LRP1: variants seen among roughly 807,000 people sequenced by gnomAD.
The protein encoded by LRP1 is LDL receptor related protein 1.
Under a neutral mutation model 541.5 loss-of-function variants are expected in LRP1, and 51 were observed. That is an observed-to-expected ratio of 0.09 (90% CI 0.08 to 0.12). The LOEUF (loss-of-function observed/expected upper bound fraction) is 0.12. Ranked by LOEUF, LRP1 falls within the 10% of genes least tolerant of loss-of-function variation. The pLI is 1.00. For synonymous variants in LRP1, 2,219 were observed against 2,470.8 expected (o/e 0.90, Z 3.02); for missense variants, 3,878 against 6,376.2 (o/e 0.61, Z 13.34).
intron 79 of LRP1, 114 bp downstream of exon 79, chr12:57,209,313 C>A: frequency 2.3e-6 from 2 of 877,468 alleles, no homozygotes; most frequent in Non-Finnish European, 3.6e-6. Context: ...TGACCCCCAG[C>A]AATGCTGCAG....
chr12:57,195,830 G>A (rs774921999), intron 53 of LRP1, 33 bp from the exon 54 acceptor site: 1 of 1,614,018 alleles, frequency 6.2e-7, no homozygotes, highest in Non-Finnish European at 8.5e-7. Flanking sequence ...GCCGGGCCAG[G>A]GCATCAGCCT....
rs1363155141 is a variant in LRP1, at chr12:57,193,641, G to A, written c.7760G>A (p.Gly2587Glu). ...GTGTCCAACATGCTGTGGTGCAACG[G>A]GGCCGACGACTGTGGGGATGGCTCT... ...RCVSNMLWCN[G>E]ADDCGDGSDE... Residue 2587 changes from glycine (G) to glutamate (E), a missense_variant, in exon 47 of 89, where the codon GGG becomes GAG. Gly to Glu is a moderately conservative substitution (Grantham distance 98). This residue lies in a region of LRP1 where 1,100 missense variants were observed against 1,827.4 expected (regional missense o/e 0.60). Coordinates refer to ENST00000243077, the MANE Select transcript of LRP1 (RefSeq NM_002332.3). 6.8e-6 allele frequency: 11 copies of A among 1,614,090 alleles called. No homozygotes were observed. The highest frequency in any genetic ancestry group is 7.6e-6 in the Non-Finnish European group (9 of 1,180,050).
intron 6 of LRP1, chr12:57,146,616 T>A (rs1424925365): frequency 1.3e-5 from 2 of 152,228 alleles, no homozygotes; most frequent in Non-Finnish European, 1.5e-5. Context: ...GGGGTTCCTC[T>A]GAGAGCCCTC....
chr12:57,173,417 C>T lies in LRP1; in HGVS notation c.3346+67C>T. 6.6e-7 allele frequency: 1 copy of T among 1,526,186 alleles called. No individual in the cohort carries two copies. 94.5% of individuals were successfully genotyped at this position (1,526,186 alleles called of 1,614,324 possible). On this transcript the variant is annotated intron_variant, in intron 21 of 88. Coordinates refer to ENST00000243077, the MANE Select transcript of LRP1 (RefSeq NM_002332.3). This position sits in a 1 kb window ranked among gnomAD's most constrained non-coding sequence, Gnocchi z 4.7. ...GGGCAGGAGGAGACCGTGTTGAGAG[C>T]AGAGTAGCGGCAAAGGGGATGGCAC...
chr12:57,169,286 C>T lies in LRP1; in HGVS notation c.3142C>T (p.His1048Tyr). ...NDCGDYSDET[H>Y]ANCTNQATRP... ...CTGCGGAGACTACAGTGATGAGACA[C>T]ACGCCAACTGCACCAACCAGGGTGG... is the stretch of plus-strand genomic sequence containing the variant. Residue 1048 changes from histidine to tyrosine, a missense_variant, in exon 20 of 89, where the codon CAC becomes TAC. His to Tyr is a moderately conservative substitution (Grantham distance 83). Around this residue, in one of 13 missense-constraint regions of LRP1, gnomAD observed 320 missense variants for 547.9 expected, o/e 0.58. Coordinates refer to ENST00000243077, the MANE Select transcript of LRP1 (RefSeq NM_002332.3). 1 of 1,609,506 alleles carries T rather than the reference C, an allele frequency of 6.2e-7. No individual in the cohort carries two copies. The highest frequency in any genetic ancestry group is 1.1e-5 in the South Asian group (1 of 90,978).
At chr12:57,187,205 G>T in intron 41 of LRP1, 62 bp from the exon 42 acceptor site, 1 of 1,535,158 alleles carries the variant, frequency 6.5e-7, no homozygotes, top group Non-Finnish European at 8.8e-7. Flanking sequence ...TGTCCCCCAC[G>T]GCTCCTGTGC....
In LRP1 at chr12:57,204,597, T is replaced by C; in HGVS notation, c.11072-30T>C. The C allele has an allele frequency of 6.2e-7, 1 of 1,612,742 alleles. No homozygotes were observed. ...AACCACCCCCACTCCCAAGACTAATTCTGGCTCTGTGTCCCCCTGGCTGCT... is the reference window on the plus strand; with the variant it reads ...AACCACCCCCACTCCCAAGACTAATCCTGGCTCTGTGTCCCCCTGGCTGCT... On this transcript the variant is annotated intron_variant, in intron 71 of 88. Transcript: ENST00000243077. This position sits in a 1 kb window ranked among gnomAD's most constrained non-coding sequence, Gnocchi z 5.3.
In LRP1 at chr12:57,158,030, G is replaced by A. The variant is rs1334787890; in HGVS notation, c.1562-372G>A. On this transcript the variant is annotated intron_variant, in intron 10 of 88. Transcript: ENST00000243077. The surrounding 1 kb of genome is among the most constrained non-coding windows in gnomAD (Gnocchi z 5.3). ...AGACTTTCAGTGTAGTGGGCAAGAA[G>A]TGATGTGGTTTACACTAGGATGGCA... Among the ~76,000 whole-genome samples the A allele has an allele frequency of 6.6e-6, 1 of 152,216 alleles. No homozygotes were observed. The highest frequency in any genetic ancestry group is 1.9e-4 in the East Asian group (1 of 5,204).
At position 57,197,092 on chromosome 12, in the gene LRP1, C is replaced by T. The variant is rs1470696859; in HGVS notation, c.9003C>T (p.Gly3001=). 6.2e-7 allele frequency: 1 copy of T among 1,613,988 alleles called. No individual in the cohort carries two copies. The highest frequency in any genetic ancestry group is 2.2e-5 in the East Asian group (1 of 44,896). The change falls in exon 56 of 89, where the codon GGC becomes GGT. Residue 3001 remains glycine (G), a synonymous_variant. Coordinates refer to ENST00000243077, the MANE Select transcript of LRP1 (RefSeq NM_002332.3). The surrounding 1 kb of genome is among the most constrained non-coding windows in gnomAD (Gnocchi z 4.5). ...GCCAGCGCTGCATCAACACTCATGG[C>T]AGCTATAAGTGTCTGTGTGTGGAGG... ...PCSQRCINTH[G]SYKCLCVEGY...
Position 57,193,297 on chromosome 12 carries a change from C to G in LRP1, c.7677C>G (p.Ser2559=), listed in dbSNP as rs570485383. The G allele has an allele frequency of 6.2e-7, 1 of 1,611,972 alleles. No individual in the cohort carries two copies. Among genetic ancestry groups the G allele is most frequent in the Admixed American group, 1.7e-5 (1 of 60,026 alleles). ...HCKDKSDEKP[S]YCNSRRCKKT... ...AGGACAAGTCCGATGAGAAGCCATCCTACTGCAGTAAGGAGCCCCCTGCAG... is the reference window on the plus strand; with the variant it reads ...AGGACAAGTCCGATGAGAAGCCATCGTACTGCAGTAAGGAGCCCCCTGCAG... The change falls in exon 46 of 89, where the codon TCC becomes TCG. Residue 2559 remains serine, a synonymous_variant. Coordinates refer to ENST00000243077, the MANE Select transcript of LRP1 (RefSeq NM_002332.3).
Position 57,173,658 on chromosome 12 carries a change from C to T in LRP1, c.3347-122C>T. The T allele has an allele frequency of 3.9e-6, 4 of 1,027,168 alleles. No homozygotes were observed. In the South Asian group the frequency reaches 5.8e-5, roughly 15 times the overall value. The allele number at this position is 1,027,168 out of a possible 1,614,324, so 63.6% of individuals were successfully genotyped here. A position where few individuals can be genotyped will look rare whatever the true frequency, so the allele number is the denominator to read the frequency against. The stretch of plus-strand genomic sequence containing the variant: ...ATTTGACCCAAAAAGCCTCGGGGTT[C>T]CTCGTGGACCCCACAGCGTTGCAAT... On this transcript the variant is annotated intron_variant, in intron 21 of 88. Transcript: ENST00000243077. This position sits in a 1 kb window ranked among gnomAD's most constrained non-coding sequence, Gnocchi z 4.7.
In LRP1 at chr12:57,138,535, C is replaced by A; in HGVS notation, c.144C>A (p.Asp48Glu). 6.2e-7 allele frequency: 1 copy of A among 1,614,054 alleles called. No individual in the cohort carries two copies. Among genetic ancestry groups the A allele is most frequent in the Non-Finnish European group, 8.5e-7 (1 of 1,179,980 alleles). Residue 48 changes from aspartate (D) to glutamate (E), a missense_variant, in exon 2 of 89, where the codon GAC becomes GAA. This residue lies in a region of LRP1 where 293 missense variants were observed against 403.7 expected (regional missense o/e 0.73). Coordinates refer to ENST00000243077, the MANE Select transcript of LRP1 (RefSeq NM_002332.3). ...GTATCTCAAAGGGCTGGCGGTGCGA[C>A]GGTGAGAGGGACTGCCCAGACGGAT... ...ITCISKGWRC[D>E]GERDCPDGSD...
In LRP1 at chr12:57,196,018, T is replaced by G; in HGVS notation, c.8701+15T>G. Reference sequence around the variant, plus strand: ...CACCAGCCAAGGTGGGCCCCAGACCTGGCTCCCCTCTGCCCCCTCCCCAGA... The same window carrying G: ...CACCAGCCAAGGTGGGCCCCAGACCGGGCTCCCCTCTGCCCCCTCCCCAGA... On this transcript the variant is annotated intron_variant, in intron 54 of 88. Transcript: ENST00000243077. 6.2e-7 allele frequency: 1 copy of G among 1,612,316 alleles called. No individual in the cohort carries two copies. Among genetic ancestry groups the G allele is most frequent in the Non-Finnish European group, 8.5e-7 (1 of 1,179,868 alleles).
chr12:57,185,766 G>T lies in LRP1; in HGVS notation c.6699G>T (p.Met2233Ile). The T allele has an allele frequency of 1.2e-6, 2 of 1,614,236 alleles. No homozygotes were observed. Among genetic ancestry groups the T allele is most frequent in the Non-Finnish European group, 1.7e-6 (2 of 1,180,044 alleles). Reference sequence around the variant, plus strand: ...AGCCCTTCGAGGACCCTGAGCACATGAAGAACGTCATCGCCCTGGCCTTTG... The same window carrying T: ...AGCCCTTCGAGGACCCTGAGCACATTAAGAACGTCATCGCCCTGGCCTTTG... ...PVQPFEDPEH[M>I]KNVIALAFDY... is the part of the protein sequence containing the mutation. Residue 2233 changes from methionine (M) to isoleucine (I), a missense_variant, in exon 41 of 89, where the codon ATG (methionine) becomes ATT (isoleucine). By Grantham distance (10) the Met-to-Ile change is conservative. Transcript: ENST00000243077. This position sits in a 1 kb window ranked among gnomAD's most constrained non-coding sequence, Gnocchi z 4.9.
In LRP1 at chr12:57,143,730, C is replaced by T. The variant is rs1011406233; in HGVS notation, c.380C>T (p.Thr127Ile). The change falls in exon 4 of 89, where the codon ACA becomes ATA. Residue 127 changes from threonine (T) to isoleucine (I), a missense_variant. By Grantham distance (89) the Thr-to-Ile change is moderately conservative (BLOSUM62 -1). Coordinates refer to ENST00000243077, the MANE Select transcript of LRP1 (RefSeq NM_002332.3). ...RLGCQHHCVP[T>I]LDGPTCYCNS... The stretch of plus-strand genomic sequence containing the variant: ...GGCTGCCAGCACCATTGTGTCCCCA[C>T]ACTCGATGGGCCCACCTGCTACTGC... 1 of 1,614,082 alleles carries T rather than the reference C, an allele frequency of 6.2e-7. No individual in the cohort carries two copies. The highest frequency in any genetic ancestry group is 1.3e-5 in the African/African-American group (1 of 74,944).
At chr12:57,195,444 C>T in intron 52 of LRP1, 45 bp downstream of exon 52, 2 of 1,594,180 alleles carry the variant, frequency 1.3e-6, no homozygotes, top group Admixed American at 1.7e-5. Context: ...CAAATGGCCA[C>T]AGTCTCACTT....
In LRP1 at chr12:57,179,479, A is replaced by T; in HGVS notation, c.4889A>T (p.Tyr1630Phe). The T allele has an allele frequency of 6.2e-7, 1 of 1,614,218 alleles. No individual in the cohort carries two copies. ...TACGATGCCCGCGAGCAGCGTGTGT[A>T]CTGGTCTGACGTGCGGACACAGGCC... The part of the protein sequence containing the change: ...LDYDAREQRV[Y>F]WSDVRTQAIK... Residue 1630 changes from tyrosine (Y) to phenylalanine (F), a missense_variant, in exon 29 of 89, where the codon TAC becomes TTC. Tyr to Phe is a conservative substitution (Grantham distance 22, BLOSUM62 3). Coordinates refer to ENST00000243077, the MANE Select transcript of LRP1 (RefSeq NM_002332.3). The surrounding 1 kb of genome is among the most constrained non-coding windows in gnomAD (Gnocchi z 6.8).
chr12:57,208,447 C>G, intron 77 of LRP1: 1 of 601,968 alleles, frequency 1.7e-6, no homozygotes, highest in Admixed American at 3.0e-5. Context: ...TCTGCTTGGC[C>G]GGCTGTCATG....
chr12:57,186,029 G>A, intron 41 of LRP1, 121 bp downstream of exon 41: 1 of 1,155,664 alleles, frequency 8.7e-7, no homozygotes, highest in Non-Finnish European at 1.2e-6. Flanking sequence ...CAACTCAGCT[G>A]AATCCAACTG....
Sources: allele counts gnomAD v4.1 joint callset (sites outside exome capture counted in the v4.1 genomes callset), GRCh38; gene constraint gnomAD v4.1.1; regional missense constraint gnomAD v4.1.1; non-coding constraint Gnocchi (gnomAD v3.1); transcripts MANE v1.5; gene names NCBI Gene and HGNC (gene_info 2026-07-23, HGNC 2026-07-21).